The following RCC1 variants were observed in gnomAD, a reference collection of about 807,000 sequenced individuals.
RCC1 encodes regulator of chromosome condensation 1, also known as regulator of chromosome condensation.
Under a neutral mutation model 44.4 loss-of-function variants are expected in RCC1, and 11 were observed. The observed-to-expected ratio is 0.25, with a 90% CI of 0.16 to 0.41. The LOEUF is 0.41. Ranked by LOEUF, RCC1 falls within the 10% of genes least tolerant of loss-of-function variation. The pLI is 1.00. For missense variants in RCC1, 386 were observed against 547.1 expected (o/e 0.71, Z 2.94); for synonymous variants, 213 against 216.5 (o/e 0.98, Z 0.14).
chr1:28,530,722 G>A (rs1664094130), intron 5 of RCC1: 1 of 867,362 alleles, frequency 1.2e-6, no homozygotes, highest in South Asian at 1.8e-5. Flanking sequence ...GGGGCTGCGG[G>A]TTGGGGGGCC....
At chr1:28,521,856 C>T (rs1663305233) in intron 4 of RCC1, among the ~76,000 whole-genome samples, 1 of 152,222 alleles carries the variant, frequency 6.6e-6, no homozygotes, top group Non-Finnish European at 1.5e-5. Context: ...TTAGCCCCTG[C>T]CTGGACCAAG....
intron 1 of RCC1, 129 bp from the exon 2 acceptor site, chr1:28,507,999 C>G (rs193042169): frequency 1.3e-5 from 4 of 311,842 alleles, no homozygotes; most frequent in Non-Finnish European, 2.6e-5. Flanking sequence ...CGCTGGAGCC[C>G]AGGAGTGACC....
In RCC1 at chr1:28,535,249, C is replaced by G; in HGVS notation, c.539-9C>G. On this transcript the variant is annotated splice_polypyrimidine_tract_variant and intron_variant, in intron 8 of 12. Coordinates refer to ENST00000683442, the MANE Select transcript of RCC1 (RefSeq NM_001381865.2). The stretch of plus-strand genomic sequence containing the variant: ...TTGTGGCCTGCATCCCTTACCTTTT[C>G]ATCCTTAGGAAACGACCACTTGGTG... 6.2e-7 allele frequency: 1 copy of G among 1,614,168 alleles called. No homozygotes were observed. The highest frequency in any genetic ancestry group is 8.5e-7 in the Non-Finnish European group (1 of 1,180,018).
At chr1:28,520,326 C>T (rs764941936) in intron 4 of RCC1, among the ~76,000 whole-genome samples, 2 of 152,160 alleles carry the variant, frequency 1.3e-5, no homozygotes, top group Non-Finnish European at 2.9e-5. Context: ...TCTCCTTTTA[C>T]AGAAATCGAG....
intron 4 of RCC1, among the ~76,000 whole-genome samples, chr1:28,527,555 CAATT>C (rs1663753428): frequency 6.6e-6 from 1 of 151,892 alleles, no homozygotes; most frequent in Admixed American, 6.6e-5. Context: ...AAAAATCAAT[CAATT>C]AAATAAGAAA....
Position 28,536,032 on chromosome 1 carries a change from C to A in RCC1, c.817+6C>A. On this transcript the variant is annotated splice_donor_region_variant and intron_variant, in intron 10 of 12. Coordinates refer to ENST00000683442, the MANE Select transcript of RCC1 (RefSeq NM_001381865.2). The surrounding 1 kb of genome is among the most constrained non-coding windows in gnomAD (Gnocchi z 4.9). ...CTCCAACTACCATCAGCTTGGTGAG[C>A]CCCGAGCCCAGCTTCAGGCATGACC... 6.2e-7 allele frequency: 1 copy of A among 1,601,480 alleles called. No homozygotes were observed. The highest frequency in any genetic ancestry group is 1.3e-5 in the African/African-American group (1 of 74,734).
chr1:28,535,174 A>G, intron 8 of RCC1, 28 bp downstream of exon 8: 1 of 1,614,014 alleles, frequency 6.2e-7, no homozygotes, highest in Non-Finnish European at 8.5e-7. Context: ...TGCTCAGGGC[A>G]GGAGTTGGAG....
rs552727434 is a variant in RCC1 at position 28,536,606 on chromosome 1, G to A, written c.938-141G>A. Reference sequence around the variant, plus strand: ...TCTCCTAGGCCTCCTCCAAAACTGGGAAGAGACACTGCAGATCTCCTTCTG... The same window carrying A: ...TCTCCTAGGCCTCCTCCAAAACTGGAAAGAGACACTGCAGATCTCCTTCTG... On this transcript the variant is annotated intron_variant, in intron 11 of 12. Coordinates refer to ENST00000683442, the MANE Select transcript of RCC1 (RefSeq NM_001381865.2). This position sits in a 1 kb window ranked among gnomAD's most constrained non-coding sequence, Gnocchi z 4.9. 5.5e-5 allele frequency: 65 copies of A among 1,172,832 alleles called. 1 individual carries two copies. The South Asian group carries it at 8.7e-4, about 16-fold the overall frequency. 72.7% of individuals were successfully genotyped at this position (1,172,832 alleles called of 1,614,324 possible). A position where few individuals can be genotyped will look rare whatever the true frequency, so the allele number is the denominator to read the frequency against.
At chr1:28,513,197 C>A (rs1257004798) in intron 3 of RCC1, among the ~76,000 whole-genome samples, 1 of 152,038 alleles carries the variant, frequency 6.6e-6, no homozygotes, top group Non-Finnish European at 1.5e-5. Context: ...CCACCACGCC[C>A]AGCTAATTTT....
intron 5 of RCC1, chr1:28,530,433 CCCGGAGGGGGACAGGGAGGAGAGAAAAG>C (rs1455192279): frequency 8.1e-7 from 1 of 1,233,530 alleles, no homozygotes; most frequent in African/African-American, 1.5e-5. Flanking sequence ...GTCCTGGGAC[CCCGGAGGGGGACAGGGAGGAGAGAAAAG>C]CCAGCACCAA....
rs1274760634 is a variant in RCC1, at chr1:28,508,818, C to A, written c.-228-12C>A. 1.7e-5 allele frequency: 9 copies of A among 517,202 alleles called. No homozygotes were observed. The highest frequency in any genetic ancestry group is 2.7e-5 in the Non-Finnish European group (7 of 259,082). The allele number at this position is 517,202 out of a possible 1,614,324, so 32.0% of individuals were successfully genotyped here. A position where few individuals can be genotyped will look rare whatever the true frequency, so the allele number is the denominator to read the frequency against. ...ATCTTCAGGAGTCTAATCATTATTT[C>A]TTTTCTTTTAGGAGAGAAGACGATC... On this transcript the variant is annotated splice_polypyrimidine_tract_variant and intron_variant, in intron 2 of 12. Transcript: ENST00000683442.
chr1:28,534,171 C>T (rs1025666622), intron 7 of RCC1, among the ~76,000 whole-genome samples: 27 of 151,874 alleles, frequency 1.8e-4, no homozygotes, highest in Admixed American at 5.9e-4. Context: ...GCCGCCACGT[C>T]TGGCCTCTTT....
Position 28,538,221 on chromosome 1 carries a change from A to G in RCC1, c.*214A>G. On this transcript the variant is annotated 3_prime_UTR_variant, in exon 13 of 13. Transcript: ENST00000683442. ...CTACAGAATAAAGGGGGGGATGGACAGGGGGTTTTCAAAAGGAACATGGCT... is the reference window on the plus strand; with the variant it reads ...CTACAGAATAAAGGGGGGGATGGACGGGGGGTTTTCAAAAGGAACATGGCT... 4.4e-6 allele frequency: 2 copies of G among 455,860 alleles called. No individual in the cohort carries two copies. The highest frequency in any genetic ancestry group is 3.3e-5 in the South Asian group (1 of 30,274). 28.2% of individuals were successfully genotyped at this position (455,860 alleles called of 1,614,324 possible). A position where few individuals can be genotyped will look rare whatever the true frequency, so the allele number is the denominator to read the frequency against.
intron 2 of RCC1, 26 bp from the exon 3 acceptor site, chr1:28,508,804 T>G: frequency 1.9e-6 from 1 of 517,456 alleles, no homozygotes; most frequent in Admixed American, 1.9e-5. Flanking sequence ...TCTTCAGGAG[T>G]CTAATCATTA....
intron 4 of RCC1, chr1:28,518,619 C>G (rs1238029298): frequency 1.3e-5 from 2 of 150,906 alleles, no homozygotes; most frequent in East Asian, 2.0e-4. Flanking sequence ...TCAAACTGCG[C>G]GAGCGCGGCG....
chr1:28,528,845 T>C (rs1467590139), intron 4 of RCC1, among the ~76,000 whole-genome samples: 2 of 65,614 alleles, frequency 3.0e-5, no homozygotes, highest in East Asian at 2.7e-4. Context: ...TTTTTCTTCC[T>C]TTTTTTTTTT....
In RCC1 at chr1:28,507,540, T is replaced by G. The variant is rs140914793; in HGVS notation, c.-261-588T>G. On this transcript the variant is annotated intron_variant, in intron 1 of 12. Coordinates refer to ENST00000683442, the MANE Select transcript of RCC1 (RefSeq NM_001381865.2). ...AGCTTCCCAGAGTCCTGTCGACAAT[T>G]ACTGGGGAGACAAACCATGCAGGAA... 8.6e-3 allele frequency: 4,432 copies of G among 515,586 alleles called. 34 individuals are homozygous for G. Among genetic ancestry groups the G allele is most frequent in the Non-Finnish European group, 0.011 (2,900 of 257,966 alleles). The allele number at this position is 515,586 out of a possible 1,614,324, so 31.9% of individuals were successfully genotyped here. A position where few individuals can be genotyped will look rare whatever the true frequency, so the allele number is the denominator to read the frequency against.
intron 5 of RCC1, chr1:28,530,718 G>A: frequency 2.1e-6 from 2 of 939,150 alleles, no homozygotes; most frequent in East Asian, 2.8e-5. Context: ...GCCCGGGGCT[G>A]CGGGTTGGGG....
chr1:28,528,227 G>A (rs1030119253), intron 4 of RCC1, among the ~76,000 whole-genome samples: 4 of 151,716 alleles, frequency 2.6e-5, no homozygotes, highest in Admixed American at 6.6e-5. Context: ...AGGCCAAGGC[G>A]GGGTGGATCA....
Sources: allele counts gnomAD v4.1 joint callset (sites outside exome capture counted in the v4.1 genomes callset), GRCh38; gene constraint gnomAD v4.1.1; non-coding constraint Gnocchi (gnomAD v3.1); transcripts MANE v1.5; gene names NCBI Gene and HGNC (gene_info 2026-07-23, HGNC 2026-07-21).